Variants in SLC38A6 observed in about 807,000 individuals in gnomAD.
The protein encoded by SLC38A6 is solute carrier family 38 member 6, also known as N system amino acid transporter NAT-1.
A neutral mutation model predicts 65.0 loss-of-function variants in SLC38A6; 73 were observed. The observed-to-expected ratio is 1.12, with a 90% CI of 0.93 to 1.37. The LOEUF (loss-of-function observed/expected upper bound fraction) is 1.37. Among genes scored for constraint, SLC38A6 ranks in the 40% most tolerant of loss-of-function variants. SLC38A6 has a pLI of 0.00. For missense variants in SLC38A6, 561 were observed against 531.1 expected (o/e 1.06, Z -0.55); for synonymous variants, 183 against 178.8 (o/e 1.02, Z -0.19).
chr14:60,989,719 T>C (rs1178209110), intron 3 of SLC38A6, among the ~76,000 whole-genome samples: 1 of 152,120 alleles, frequency 6.6e-6, no homozygotes, highest in East Asian at 1.9e-4. Context: ...AGTGAAACCC[T>C]GTCTCCAAAA....
Position 60,982,192 on chromosome 14 carries a change from C to T in SLC38A6, c.106-316C>T, listed in dbSNP as rs1361155456. 8.4e-6 allele frequency: 4 copies of T among 474,384 alleles called. No individual in the cohort carries two copies. The East Asian group carries it at 2.6e-4, about 30-fold the overall frequency. The allele number at this position is 474,384 out of a possible 1,614,324, so 29.4% of individuals were successfully genotyped here. The stretch of plus-strand genomic sequence containing the variant: ...CACATGAGCTGAGGCCTTATCCCTC[C>T]TCTCTCTCCCCACTCCATTCCCATC... On this transcript the variant is annotated intron_variant, in intron 1 of 15. Coordinates refer to ENST00000267488, the MANE Select transcript of SLC38A6 (RefSeq NM_153811.3).
intron 7 of SLC38A6, 123 bp from the exon 8 acceptor site, chr14:61,037,502 C>G (rs935884354): frequency 1.5e-6 from 1 of 658,926 alleles, no homozygotes; most frequent in African/African-American, 1.8e-5. Context: ...TGTTGTTATT[C>G]TGAGCCCTAA....
chr14:60,984,887 T>A, intron 3 of SLC38A6, 84 bp downstream of exon 3: 1 of 1,256,336 alleles, frequency 8.0e-7, no homozygotes, highest in South Asian at 1.2e-5. Context: ...GTCTCAAATC[T>A]AATATCCAGT....
At chr14:61,022,917 G>T (rs1307941053) in intron 5 of SLC38A6, among the ~76,000 whole-genome samples, 1 of 152,104 alleles carries the variant, frequency 6.6e-6, no homozygotes, top group Non-Finnish European at 1.5e-5. Flanking sequence ...TGCTCAGTTG[G>T]CCTTTATTCT....
intron 3 of SLC38A6, among the ~76,000 whole-genome samples, chr14:61,005,135 C>G (rs560247381): frequency 1.3e-4 from 20 of 152,090 alleles, no homozygotes; most frequent in Non-Finnish European, 2.1e-4. Context: ...CAAAGTTCAG[C>G]CCATTCATGC....
At position 61,052,552 on chromosome 14, in the gene SLC38A6, C is replaced by T. The variant is rs1027065850; in HGVS notation, c.*123C>T. 6 of 1,362,740 alleles carry T rather than the reference C, an allele frequency of 4.4e-6. No homozygotes were observed. The African/African-American group carries it at 6.1e-5, about 14-fold the overall frequency. 84.4% of individuals were successfully genotyped at this position (1,362,740 alleles called of 1,614,324 possible). ...AAAAATTATTAACAGAAAAGCAGAACAAAATGGCAGTGGGTATGGGGAAGT... is the reference window on the plus strand; with the variant it reads ...AAAAATTATTAACAGAAAAGCAGAATAAAATGGCAGTGGGTATGGGGAAGT... On this transcript the variant is annotated 3_prime_UTR_variant, in exon 16 of 16. Transcript: ENST00000267488.
chr14:61,064,553 T>G (rs1484464767), intron 15 of SLC38A6, among the ~76,000 whole-genome samples: 3 of 149,160 alleles, frequency 2.0e-5, no homozygotes, highest in Non-Finnish European at 3.0e-5. Context: ...TTATTTTACT[T>G]TAATGTTCTG....
At chr14:61,014,463 A>G (rs961284610) in intron 3 of SLC38A6, among the ~76,000 whole-genome samples, 1 of 152,014 alleles carries the variant, frequency 6.6e-6, no homozygotes, top group Admixed American at 6.6e-5. Context: ...AGGTGCTCTG[A>G]TTTTTAGAGT....
Position 61,043,231 on chromosome 14 carries a change from T to C in SLC38A6, c.690+19T>C. ...TTTCCAGGTAATAGCTTATATTTTC[T>C]TTTCAGTTTCTTCCTTTTTATTTTA... On this transcript the variant is annotated intron_variant, in intron 9 of 15. Transcript: ENST00000267488. 1 of 1,403,848 alleles carries C rather than the reference T, an allele frequency of 7.1e-7. No homozygotes were observed. Among genetic ancestry groups the C allele is most frequent in the Non-Finnish European group, 9.8e-7 (1 of 1,019,676 alleles). The allele number at this position is 1,403,848 out of a possible 1,614,324, so 87.0% of individuals were successfully genotyped here. A position where few individuals can be genotyped will look rare whatever the true frequency, so the allele number is the denominator to read the frequency against.
chr14:61,080,108 TAAC>T (rs930861374), intron 16 of SLC38A6, among the ~76,000 whole-genome samples: 7 of 152,128 alleles, frequency 4.6e-5, no homozygotes, highest in South Asian at 2.1e-4. Context: ...TAAAAGGCAA[TAAC>T]AACAACAACA....
chr14:61,015,050 C>T (rs967545848), intron 3 of SLC38A6, among the ~76,000 whole-genome samples: 11 of 152,194 alleles, frequency 7.2e-5, no homozygotes, highest in Non-Finnish European at 1.5e-4. Context: ...GCTTCCAGTC[C>T]ACTTTCTTTA....
chr14:60,995,868 GT>G (rs2038256141), intron 3 of SLC38A6, among the ~76,000 whole-genome samples: 2 of 152,170 alleles, frequency 1.3e-5, no homozygotes. Context: ...GGTTGCCAGA[GT>G]TTAGCAGAGG....
intron 3 of SLC38A6, among the ~76,000 whole-genome samples, chr14:60,992,375 C>T (rs913745973): frequency 9.9e-5 from 15 of 152,270 alleles, no homozygotes; most frequent in Non-Finnish European, 1.5e-4. Flanking sequence ...TCCTTCACCT[C>T]GTACATTCAC....
intron 3 of SLC38A6, among the ~76,000 whole-genome samples, chr14:60,998,412 C>T (rs530894390): frequency 3.6e-4 from 54 of 152,084 alleles, no homozygotes; most frequent in Non-Finnish European, 6.6e-4. Flanking sequence ...AAGGAGAGGT[C>T]GGTTGGGGAC....
chr14:60,989,839 G>C (rs2037728429), intron 3 of SLC38A6, among the ~76,000 whole-genome samples: 1 of 152,170 alleles, frequency 6.6e-6, no homozygotes, highest in Non-Finnish European at 1.5e-5. Flanking sequence ...TAAATCCAAT[G>C]ATCAGTTCTC....
intron 5 of SLC38A6, among the ~76,000 whole-genome samples, chr14:61,029,263 C>G (rs1033769325): frequency 1.3e-5 from 2 of 150,086 alleles, no homozygotes; most frequent in African/African-American, 4.9e-5. Context: ...TCAAGCGATT[C>G]TCCTGCCTCA....
chr14:61,005,456 C>T (rs1286464540), intron 3 of SLC38A6, among the ~76,000 whole-genome samples: 1 of 147,822 alleles, frequency 6.8e-6, no homozygotes, highest in Non-Finnish European at 1.5e-5. Flanking sequence ...CCAAAATCTC[C>T]TTAAGCTGAT....
At chr14:61,002,006 T>C (rs1566629281) in intron 3 of SLC38A6, 1 of 152,196 alleles carries the variant, frequency 6.6e-6, no homozygotes, top group Non-Finnish European at 1.5e-5. Flanking sequence ...TTTATAATTA[T>C]ATTTGTTTGT....
intron 3 of SLC38A6, among the ~76,000 whole-genome samples, chr14:61,007,069 A>G (rs1018494595): frequency 6.6e-6 from 1 of 152,184 alleles, no homozygotes; most frequent in Non-Finnish European, 1.5e-5. Context: ...AAACTATCCC[A>G]AGGACAAAAA....
Sources: allele counts gnomAD v4.1 joint callset (sites outside exome capture counted in the v4.1 genomes callset), GRCh38; gene constraint gnomAD v4.1.1; transcripts MANE v1.5; gene names NCBI Gene and HGNC (gene_info 2026-07-23, HGNC 2026-07-21).